ULK4: variants seen among roughly 807,000 people sequenced by gnomAD.
ULK4 encodes unc-51 like kinase 4, also known as inactive serine/threonine-protein kinase ULK4.
In ULK4, 133 loss-of-function variants were observed where a neutral mutation model predicts 160.6. The observed-to-expected ratio is 0.83, with a 90% CI of 0.72 to 0.96. ULK4 has a LOEUF of 0.96. Ranked by LOEUF, ULK4 falls within the 40% of genes least tolerant of loss-of-function variation. ULK4 has a pLI of 0.00. For missense variants in ULK4, 1,580 were observed against 1,499.5 expected (o/e 1.05, Z -0.89); for synonymous variants, 534 against 539.8 (o/e 0.99, Z 0.15).
chr3:41,304,187 C>T (rs921761790), intron 35 of ULK4, among the ~76,000 whole-genome samples: 1 of 148,100 alleles, frequency 6.8e-6, no homozygotes, highest in Non-Finnish European at 1.5e-5. Context: ...GCAGGAGAAT[C>T]GCTTGAGCCC....
intron 35 of ULK4, among the ~76,000 whole-genome samples, chr3:41,253,868 T>A (rs1035762103): frequency 2.6e-5 from 4 of 152,320 alleles, no homozygotes; most frequent in Admixed American, 2.6e-4. Flanking sequence ...GCTATAGTAA[T>A]GTCAGGCAAA....
intron 11 of ULK4, among the ~76,000 whole-genome samples, chr3:41,908,251 T>C (rs1304993778): frequency 6.6e-6 from 1 of 152,200 alleles, no homozygotes; most frequent in Non-Finnish European, 1.5e-5. Flanking sequence ...TCAGATATTC[T>C]ACAAAGAATG....
At chr3:41,336,616 T>A (rs1205142442) in intron 35 of ULK4, among the ~76,000 whole-genome samples, 1 of 152,206 alleles carries the variant, frequency 6.6e-6, no homozygotes, top group African/African-American at 2.4e-5. Context: ...CTGAAGCTCT[T>A]ATTTTACTCT....
chr3:41,912,328 CAAAAAAA>C (rs1223106095), intron 9 of ULK4, among the ~76,000 whole-genome samples: 1 of 88,250 alleles, frequency 1.1e-5, no homozygotes. Context: ...GACGTTGTCT[CAAAAAAA>C]AAAAAAAAAA....
At chr3:41,623,753 A>G (rs759572615) in intron 30 of ULK4, among the ~76,000 whole-genome samples, 1 of 152,212 alleles carries the variant, frequency 6.6e-6, no homozygotes, top group Non-Finnish European at 1.5e-5. Flanking sequence ...AAGTTAAGTT[A>G]GACAGGAGAA....
intron 22 of ULK4, among the ~76,000 whole-genome samples, chr3:41,739,939 A>G (rs1259289802): frequency 6.6e-6 from 1 of 151,960 alleles, no homozygotes; most frequent in African/African-American, 2.4e-5. Flanking sequence ...TAACTATTAT[A>G]TATGATGCAA....
chr3:41,323,337 T>A, intron 35 of ULK4, among the ~76,000 whole-genome samples: 1 of 141,306 alleles, frequency 7.1e-6, no homozygotes, highest in African/African-American at 2.7e-5. Context: ...GGAATGGGAG[T>A]GAATATTGAA....
chr3:41,576,089 C>A (rs908068737), intron 31 of ULK4, among the ~76,000 whole-genome samples: 1 of 152,192 alleles, frequency 6.6e-6, no homozygotes, highest in Non-Finnish European at 1.5e-5. Context: ...AATGACCAGC[C>A]CAAAGTAGGG....
intron 35 of ULK4, among the ~76,000 whole-genome samples, chr3:41,378,228 G>A (rs1397798964): frequency 1.6e-5 from 2 of 122,004 alleles, no homozygotes; most frequent in Admixed American, 9.1e-5. Flanking sequence ...CTGTCGTGGG[G>A]TGGGGGGAGG....
chr3:41,704,933 G>A (rs1328724904), intron 27 of ULK4, 124 bp downstream of exon 27: 2 of 656,460 alleles, frequency 3.0e-6, no homozygotes, highest in Admixed American at 3.3e-5. Flanking sequence ...GGGTAGGGGG[G>A]TTCTGAATGG....
chr3:41,587,001 C>T (rs755339632), intron 31 of ULK4, among the ~76,000 whole-genome samples: 8 of 152,102 alleles, frequency 5.3e-5, no homozygotes, highest in Non-Finnish European at 7.4e-5. Flanking sequence ...GCAGGCTCAA[C>T]GGGTTCTCTA....
intron 35 of ULK4, among the ~76,000 whole-genome samples, chr3:41,254,047 T>C (rs1326245334): frequency 2.0e-5 from 3 of 152,190 alleles, no homozygotes; most frequent in Non-Finnish European, 4.4e-5. Context: ...ACAATCGTAG[T>C]TGGAGATTTC....
chr3:41,565,917 C>A, intron 32 of ULK4, 108 bp downstream of exon 32: 1 of 718,748 alleles, frequency 1.4e-6, no homozygotes, highest in Non-Finnish European at 2.2e-6. Context: ...AAATTCTTAT[C>A]TATTTTGACT....
At chr3:41,333,572 A>C (rs1161010902) in intron 35 of ULK4, among the ~76,000 whole-genome samples, 1 of 152,100 alleles carries the variant, frequency 6.6e-6, no homozygotes, top group Non-Finnish European at 1.5e-5. Flanking sequence ...TGCACATCTT[A>C]CCTAAGGGTA....
intron 35 of ULK4, among the ~76,000 whole-genome samples, chr3:41,282,835 A>C (rs1368371708): frequency 6.6e-6 from 1 of 152,236 alleles, no homozygotes; most frequent in African/African-American, 2.4e-5. Context: ...CTGCACAGCA[A>C]AAGAAACTAT....
chr3:41,594,305 G>C (rs1471026577), intron 31 of ULK4, among the ~76,000 whole-genome samples: 1 of 152,090 alleles, frequency 6.6e-6, no homozygotes, highest in African/African-American at 2.4e-5. Flanking sequence ...GGGAGGCCAA[G>C]ATGGGACGAT....
rs78456691 is a variant in ULK4 at position 41,679,224 on chromosome 3, A to G, written c.2978+2284T>C. Among the ~76,000 whole-genome samples, 1,388 of 152,324 alleles carry G rather than the reference A, an allele frequency of 9.1e-3. 11 individuals are homozygous for G. Among genetic ancestry groups the G allele is most frequent in the African/African-American group, 0.025 (1,052 of 41,568 alleles). On this transcript the variant is annotated intron_variant, in intron 29 of 36. Coordinates refer to ENST00000301831, the MANE Select transcript of ULK4 (RefSeq NM_017886.4). ...TGAGATTAAAATAATGAGCCTAACA[A>G]TAACAGTCACGGTGCTAAACACTTG...
chr3:41,953,285 C>CACATATATAT (rs374288098), intron 2 of ULK4, among the ~76,000 whole-genome samples: 7,628 of 84,246 alleles, frequency 0.091, 394 homozygotes, highest in Non-Finnish European at 0.12. Flanking sequence ...CATATATACA[C>CACATATATAT]ATATATATAT....
At chr3:41,561,189 C>A (rs1192100579) in intron 32 of ULK4, among the ~76,000 whole-genome samples, 1 of 152,150 alleles carries the variant, frequency 6.6e-6, no homozygotes, top group Non-Finnish European at 1.5e-5. Context: ...TATGTTGAAC[C>A]AGCCTTGCAT....
Sources: allele counts gnomAD v4.1 joint callset (sites outside exome capture counted in the v4.1 genomes callset), GRCh38; gene constraint gnomAD v4.1.1; transcripts MANE v1.5; gene names NCBI Gene and HGNC (gene_info 2026-07-23, HGNC 2026-07-21).